The following ARL15 variants were observed in gnomAD, a reference collection of about 807,000 sequenced individuals.
ARL15 encodes the protein ARF like GTPase 15.
ARL15 carries 19 observed loss-of-function variants against 25.2 expected under a neutral mutation model. That is an observed-to-expected ratio of 0.75 (90% CI 0.53 to 1.10). ARL15 has a LOEUF of 1.10. Ranked by LOEUF, ARL15 falls within the 50% of genes least tolerant of loss-of-function variation. The probability of loss-of-function intolerance (pLI) is 0.00; values close to 1 mark genes in which losing one functional copy is unlikely to be tolerated. For missense variants in ARL15, 220 were observed against 246.0 expected, an observed-to-expected ratio of 0.89 and a Z score of 0.71; for synonymous variants, 94 against 86.8, an observed-to-expected ratio of 1.08 and a Z score of -0.46.
intron 4 of ARL15, among the ~76,000 whole-genome samples, chr5:53,941,105 CAAT>C (rs760389079): frequency 1.3e-5 from 2 of 152,130 alleles, no homozygotes; most frequent in Non-Finnish European, 2.9e-5. Context: ...GTTTATTTCA[CAAT>C]GTTATTTGTT....
chr5:54,023,188 A>G (rs1749670500), intron 4 of ARL15, among the ~76,000 whole-genome samples: 1 of 152,182 alleles, frequency 6.6e-6, no homozygotes, highest in African/African-American at 2.4e-5. Flanking sequence ...GAGAGAGATA[A>G]TAATTTTTAC....
intron 1 of ARL15, among the ~76,000 whole-genome samples, chr5:54,232,888 C>G (rs1182743353): frequency 1.3e-5 from 2 of 152,180 alleles, no homozygotes; most frequent in African/African-American, 4.8e-5. Context: ...TTCTCCTAGT[C>G]CAGCCGTTTT....
chr5:54,262,127 C>A (rs1315834879), intron 1 of ARL15, among the ~76,000 whole-genome samples: 6 of 152,032 alleles, frequency 3.9e-5, no homozygotes, highest in African/African-American at 1.2e-4. Flanking sequence ...TTTTCCTAAC[C>A]TTTCTGTATA....
intron 1 of ARL15, among the ~76,000 whole-genome samples, chr5:54,229,757 A>G (rs953684979): frequency 6.6e-6 from 1 of 152,190 alleles, no homozygotes; most frequent in South Asian, 2.1e-4. Context: ...ACTGAAACAC[A>G]TTTTAATTGT....
At chr5:54,020,490 C>T (rs1181547270) in intron 4 of ARL15, among the ~76,000 whole-genome samples, 1 of 152,194 alleles carries the variant, frequency 6.6e-6, no homozygotes, top group Non-Finnish European at 1.5e-5. Flanking sequence ...ACCCAGACAT[C>T]CAACCCCATT....
At chr5:54,239,140 C>T (rs1201042310) in intron 1 of ARL15, among the ~76,000 whole-genome samples, 1 of 151,948 alleles carries the variant, frequency 6.6e-6, no homozygotes, top group Non-Finnish European at 1.5e-5. Flanking sequence ...TTATAACATC[C>T]GAAAAAGACA....
intron 1 of ARL15, among the ~76,000 whole-genome samples, chr5:54,243,001 C>G (rs981315294): frequency 2.6e-5 from 4 of 152,162 alleles, no homozygotes; most frequent in African/African-American, 9.7e-5. Flanking sequence ...AATGTGATTG[C>G]CTGTCCCAGT....
chr5:54,053,557 AC>A (rs1371066054), intron 4 of ARL15, among the ~76,000 whole-genome samples: 20 of 152,188 alleles, frequency 1.3e-4, no homozygotes, highest in African/African-American at 4.3e-4. Flanking sequence ...GACAAACACT[AC>A]CTCAAGCAGG....
intron 1 of ARL15, among the ~76,000 whole-genome samples, chr5:54,177,723 G>A (rs745315666): frequency 3.3e-5 from 5 of 152,002 alleles, no homozygotes; most frequent in Middle Eastern, 3.4e-3. Context: ...TAATGACTCC[G>A]GCCACCCTCC....
chr5:54,033,486 G>C (rs2111906989), intron 4 of ARL15, among the ~76,000 whole-genome samples: 1 of 151,826 alleles, frequency 6.6e-6, no homozygotes, highest in East Asian at 2.0e-4. Flanking sequence ...TGACCAACAT[G>C]GTGAAACCCC....
intron 3 of ARL15, among the ~76,000 whole-genome samples, chr5:54,143,423 T>G (rs915022888): frequency 1.3e-5 from 2 of 152,024 alleles, no homozygotes; most frequent in African/African-American, 4.8e-5. Context: ...TTATGGCCTT[T>G]TTTAAGGGTA....
At chr5:53,931,027 A>T (rs1335254420) in intron 4 of ARL15, among the ~76,000 whole-genome samples, 1 of 152,202 alleles carries the variant, frequency 6.6e-6, no homozygotes, top group Non-Finnish European at 1.5e-5. Flanking sequence ...TGCCTTCATC[A>T]ATCATAAATG....
intron 1 of ARL15, among the ~76,000 whole-genome samples, chr5:54,294,706 T>G (rs538987717): frequency 6.6e-6 from 1 of 152,364 alleles, no homozygotes; most frequent in South Asian, 2.1e-4. Flanking sequence ...AAAATATCAT[T>G]TAATAAAACA....
chr5:54,303,593 G>C (rs1758667717), intron 1 of ARL15, among the ~76,000 whole-genome samples: 1 of 150,494 alleles, frequency 6.6e-6, no homozygotes, highest in Non-Finnish European at 1.5e-5. Context: ...AGTGACACTA[G>C]GGGACTGAGT....
chr5:53,977,219 T>G (rs577089576), intron 4 of ARL15, among the ~76,000 whole-genome samples: 20 of 151,952 alleles, frequency 1.3e-4, no homozygotes, highest in African/African-American at 4.6e-4. Context: ...TAGCCGGGCG[T>G]GGTGGCGGGC....
At chr5:54,012,526 C>CTTTTT (rs1311444885) in intron 4 of ARL15, among the ~76,000 whole-genome samples, 1 of 140,880 alleles carries the variant, frequency 7.1e-6, no homozygotes, top group South Asian at 2.3e-4. Flanking sequence ...TATTTCTTTT[C>CTTTTT]TTTTTTTTTT....
intron 4 of ARL15, among the ~76,000 whole-genome samples, chr5:54,021,630 G>A (rs1427923642): frequency 2.0e-5 from 3 of 152,136 alleles, no homozygotes; most frequent in African/African-American, 7.2e-5. Flanking sequence ...TCAGGAACCT[G>A]TGGGACCATA....
intron 3 of ARL15, among the ~76,000 whole-genome samples, chr5:54,130,026 C>T (rs1003925857): frequency 1.3e-5 from 2 of 152,202 alleles, no homozygotes; most frequent in African/African-American, 2.4e-5. Flanking sequence ...ATTGCTTGAG[C>T]CCAGGAGTCC....
intron 1 of ARL15, among the ~76,000 whole-genome samples, chr5:54,204,843 T>G (rs2112491482): frequency 6.6e-6 from 1 of 152,308 alleles, no homozygotes; most frequent in Non-Finnish European, 1.5e-5. Context: ...ATCCAGGTAT[T>G]TGTGTAGCTT....
Sources: gnomAD v4.1 joint callset for allele counts (sites outside exome capture counted in the v4.1 genomes callset) on GRCh38, gnomAD v4.1.1 for gene constraint, MANE v1.5 for transcripts, NCBI Gene and HGNC (gene_info 2026-07-23, HGNC 2026-07-21) for gene names.